The following USH2A variants were observed in gnomAD, a reference collection of about 807,000 sequenced individuals.
USH2A encodes the protein usherin.
USH2A carries 443 observed loss-of-function variants against 538.9 expected under a neutral mutation model. The ratio of observed to expected loss-of-function variants is 0.82; its 90% CI spans 0.76 to 0.89. USH2A has a LOEUF of 0.89. Among genes scored for constraint, USH2A ranks in the 40% least tolerant of loss-of-function variants. The pLI, the probability that USH2A is intolerant of heterozygous loss-of-function variation, is 0.00. For synonymous variants in USH2A, 2,413 were observed against 2,273.5 expected, an observed-to-expected ratio of 1.06 and a Z score of -1.75; for missense variants, 6,633 against 6,324.8, an observed-to-expected ratio of 1.05 and a Z score of -1.65.
intron 55 of USH2A, among the ~76,000 whole-genome samples, chr1:215,773,644 C>T (rs776684206): frequency 3.2e-4 from 48 of 152,072 alleles, no homozygotes; most frequent in Non-Finnish European, 5.3e-4. Flanking sequence ...TCTTTCTTGG[C>T]GCAAGACAAC....
At chr1:216,347,119 T>G (rs1429397013) in intron 4 of USH2A, among the ~76,000 whole-genome samples, 1 of 152,142 alleles carries the variant, frequency 6.6e-6, no homozygotes, top group Non-Finnish European at 1.5e-5. Context: ...CTTTGACTTT[T>G]GAAAATTGTT....
chr1:215,934,857 TTGAG>T (rs1666454960), intron 37 of USH2A, 62 bp from the exon 38 acceptor site: 11 of 1,469,212 alleles, frequency 7.5e-6, no homozygotes, highest in Non-Finnish European at 8.3e-6. Flanking sequence ...CTGCTATTAT[TTGAG>T]TATTTTCTTG....
At chr1:216,027,497 T>C (rs2102507561) in intron 32 of USH2A, among the ~76,000 whole-genome samples, 1 of 152,306 alleles carries the variant, frequency 6.6e-6, no homozygotes, top group Middle Eastern at 3.4e-3. Flanking sequence ...GGATTAGAAA[T>C]ATACGTTATT....
chr1:215,758,432 C>T (rs1375433766), intron 58 of USH2A, among the ~76,000 whole-genome samples, 163 bp downstream of exon 58: 2 of 152,004 alleles, frequency 1.3e-5, no homozygotes, highest in Non-Finnish European at 1.5e-5. Flanking sequence ...TGTACTCATG[C>T]GTCTATACAC....
chr1:215,959,598 T>G (rs529702059), intron 37 of USH2A, among the ~76,000 whole-genome samples: 6 of 152,246 alleles, frequency 3.9e-5, no homozygotes, highest in African/African-American at 1.4e-4. Context: ...TTTCTTTTGT[T>G]TTTCTAAAAT....
At chr1:216,245,921 T>G (rs1364906104) in intron 13 of USH2A, among the ~76,000 whole-genome samples, 3 of 152,202 alleles carry the variant, frequency 2.0e-5, no homozygotes, top group Non-Finnish European at 4.4e-5. Context: ...AAACAACGGA[T>G]AAGTACTTAT....
chr1:215,640,507 G>A, intron 68 of USH2A, 51 bp downstream of exon 68: 1 of 1,609,444 alleles, frequency 6.2e-7, no homozygotes, highest in Non-Finnish European at 8.5e-7. Flanking sequence ...ATCCCGTAAA[G>A]CTGGGGAACA....
At chr1:216,182,465 G>A (rs553422451) in intron 20 of USH2A, among the ~76,000 whole-genome samples, 1 of 152,158 alleles carries the variant, frequency 6.6e-6, no homozygotes, top group Admixed American at 6.6e-5. Context: ...TATAGACCTG[G>A]CCACAGAGGT....
intron 9 of USH2A, among the ~76,000 whole-genome samples, chr1:216,319,751 T>C (rs2037571925): frequency 6.6e-6 from 1 of 152,204 alleles, no homozygotes; most frequent in African/African-American, 2.4e-5. Flanking sequence ...ATAATATTCT[T>C]ACCATTGAAC....
chr1:215,656,415 T>C (rs1468262478), intron 64 of USH2A, among the ~76,000 whole-genome samples: 1 of 152,206 alleles, frequency 6.6e-6, no homozygotes, highest in Non-Finnish European at 1.5e-5. Flanking sequence ...TCATAATATA[T>C]GGTTTATGGA....
intron 47 of USH2A, among the ~76,000 whole-genome samples, chr1:215,825,369 C>G (rs1663123645): frequency 6.6e-6 from 1 of 151,980 alleles, no homozygotes; most frequent in South Asian, 2.1e-4. Flanking sequence ...CCAGTTGTCC[C>G]TTGAAGTACA....
chr1:216,388,490 T>C (rs1344300202), intron 3 of USH2A, among the ~76,000 whole-genome samples: 1 of 152,210 alleles, frequency 6.6e-6, no homozygotes, highest in Non-Finnish European at 1.5e-5. Flanking sequence ...TCTTTGTATA[T>C]GAATATTATG....
In USH2A at chr1:216,247,158, G is replaced by T. The variant is rs2036068018; in HGVS notation, c.2236C>A (p.Pro746Thr). The change falls in exon 13 of 72, where the codon CCC becomes ACC. Residue 746 changes from proline to threonine, a missense_variant. Pro to Thr is a conservative substitution (Grantham distance 38). Transcript: ENST00000307340. ...GAGCCATGGAGGTTACACTGGCAGG[G>T]CTCACATCCAACATCATTAAAGCTT... ...LRSFNDVGCE[P>T]CQCNLHGSVN... 6.2e-7 allele frequency: 1 copy of T among 1,613,898 alleles called. No homozygotes were observed. The highest frequency in any genetic ancestry group is 1.3e-5 in the African/African-American group (1 of 74,908).
intron 15 of USH2A, among the ~76,000 whole-genome samples, chr1:216,212,935 T>C (rs1032404146): frequency 2.0e-5 from 3 of 152,084 alleles, no homozygotes; most frequent in Non-Finnish European, 4.4e-5. Context: ...AATAGAAAAG[T>C]GATCACACAC....
intron 61 of USH2A, among the ~76,000 whole-genome samples, chr1:215,685,702 C>G (rs1184915995): frequency 1.4e-5 from 2 of 145,866 alleles, no homozygotes; most frequent in South Asian, 2.2e-4. Flanking sequence ...TATTTTTTTA[C>G]CACGCATTAG....
At chr1:216,308,806 T>C (rs2037365757) in intron 9 of USH2A, among the ~76,000 whole-genome samples, 2 of 152,214 alleles carry the variant, frequency 1.3e-5, no homozygotes, top group South Asian at 4.1e-4. Flanking sequence ...TTTTCTTTAA[T>C]GAAACAGTAA....
chr1:215,917,992 T>C lies in USH2A; in HGVS notation c.7300+16624A>G, dbSNP rs567527433. The stretch of plus-strand genomic sequence containing the variant: ...ACAAAACAAAAAATGACTGAGGTCG[T>C]GTAGAAAATAAACCATTATATTTTA... On this transcript the variant is annotated intron_variant, in intron 38 of 71. Transcript: ENST00000307340. Among the ~76,000 whole-genome samples the C allele has an allele frequency of 2.0e-5, 3 of 151,846 alleles. No individual in the cohort carries two copies. The East Asian group carries it at 5.9e-4, about 30-fold the overall frequency.
chr1:215,818,929 C>A (rs558476267), intron 47 of USH2A, among the ~76,000 whole-genome samples: 6 of 151,816 alleles, frequency 4.0e-5, no homozygotes, highest in East Asian at 1.9e-4. Context: ...GCAAAGAAAA[C>A]CTCCTTTTTG....
In USH2A at chr1:216,247,015, C is replaced by A; in HGVS notation, c.2379G>T (p.Lys793Asn). ...ATCCAGCTGTGTCACAGTCACAGGC[C>A]TTACAATTGGTGACATCTAACCCAT... ...NFYGLDVTNCKACDCDTAGSL... is the reference protein window; with the variant it reads ...NFYGLDVTNCNACDCDTAGSL... The change falls in exon 13 of 72, where the codon AAG (lysine) becomes AAT (asparagine). Residue 793 changes from lysine to asparagine, a missense_variant. Physicochemically the swap from Lys to Asn is moderately conservative, Grantham distance 94. Transcript: ENST00000307340. 2 of 1,614,038 alleles carry A rather than the reference C, an allele frequency of 1.2e-6. No individual in the cohort carries two copies. Among genetic ancestry groups the A allele is most frequent in the Non-Finnish European group, 8.5e-7 (1 of 1,179,992 alleles).
Sources: gnomAD v4.1 joint callset for allele counts (sites outside exome capture counted in the v4.1 genomes callset) on GRCh38, gnomAD v4.1.1 for gene constraint, MANE v1.5 for transcripts, NCBI Gene and HGNC (gene_info 2026-07-23, HGNC 2026-07-21) for gene names.